Variants in AFDN observed in about 807,000 individuals in gnomAD.
AFDN encodes the protein afadin.
In AFDN, 68 loss-of-function variants were observed where a neutral mutation model predicts 216.6. That is an observed-to-expected ratio of 0.31 (90% CI 0.26 to 0.38). AFDN has a LOEUF of 0.38. Ranked by LOEUF, AFDN falls within the 10% of genes least tolerant of loss-of-function variation. The pLI, the probability that AFDN is intolerant of heterozygous loss-of-function variation, is 1.00. For synonymous variants in AFDN, 868 were observed against 853.7 expected, an observed-to-expected ratio of 1.02 and a Z score of -0.29; for missense variants, 2,136 against 2,342.0, an observed-to-expected ratio of 0.91 and a Z score of 1.82.
chr6:167,888,467 A>G (rs1256001016), intron 6 of AFDN, among the ~76,000 whole-genome samples: 1 of 152,174 alleles, frequency 6.6e-6, no homozygotes, highest in African/African-American at 2.4e-5. Context: ...GCAGTGTGTT[A>G]GAGTGAAGAT....
chr6:167,861,872 A>G (rs956313508), intron 1 of AFDN, among the ~76,000 whole-genome samples: 1 of 152,198 alleles, frequency 6.6e-6, no homozygotes. Context: ...ATCACAACTA[A>G]TGTAAAACTA....
At chr6:167,927,678 C>T (rs1005001490) in intron 23 of AFDN, among the ~76,000 whole-genome samples, 2 of 152,146 alleles carry the variant, frequency 1.3e-5, no homozygotes, top group Non-Finnish European at 2.9e-5. Flanking sequence ...GAGACCAAGA[C>T]GTGTGGGGTT....
At chr6:167,866,845 A>T (rs928173045) in intron 2 of AFDN, among the ~76,000 whole-genome samples, 11 of 152,228 alleles carry the variant, frequency 7.2e-5, no homozygotes, top group Non-Finnish European at 8.8e-5. Flanking sequence ...TCTCTTGAAT[A>T]TTTAAATGCT....
Position 167,917,055 on chromosome 6 carries a change from T to C in AFDN, c.2566-34T>C, listed in dbSNP as rs149719016. On this transcript the variant is annotated intron_variant, in intron 19 of 33. Transcript: ENST00000683244. ...AATATTTTTGAAATAACTTTACAAG[T>C]GTGATATTTTATGTCCTTTATTCTT... 4.3e-3 allele frequency: 6,901 copies of C among 1,588,356 alleles called. 23 individuals carry two copies. Among genetic ancestry groups the C allele is most frequent in the Non-Finnish European group, 5.1e-3 (5,872 of 1,161,692 alleles).
intron 1 of AFDN, among the ~76,000 whole-genome samples, chr6:167,859,242 T>C (rs1387710700): frequency 6.6e-6 from 1 of 152,238 alleles, no homozygotes; most frequent in Non-Finnish European, 1.5e-5. Context: ...ATATTTCTTC[T>C]GTCCTCTACC....
At chr6:167,965,724 G>A in intron 31 of AFDN, 33 bp from the exon 32 acceptor site, 1 of 1,496,308 alleles carries the variant, frequency 6.7e-7, no homozygotes. Flanking sequence ...TCTCACCTCT[G>A]ACCTTTGCAC....
chr6:167,949,397 T>G (rs1459158192), intron 29 of AFDN, among the ~76,000 whole-genome samples: 2 of 152,118 alleles, frequency 1.3e-5, no homozygotes, highest in Non-Finnish European at 2.9e-5. Context: ...GGAGAGAGGA[T>G]TGCACTGAGG....
Position 167,911,082 on chromosome 6 carries a change from G to A in AFDN, c.1770-19G>A, listed in dbSNP as rs768188388. 26 of 1,606,346 alleles carry A rather than the reference G, an allele frequency of 1.6e-5. No homozygotes were observed. The highest frequency in any genetic ancestry group is 2.1e-5 in the Non-Finnish European group (25 of 1,177,208). On this transcript the variant is annotated intron_variant, in intron 13 of 33. Coordinates refer to ENST00000683244, the MANE Select transcript of AFDN (RefSeq NM_001386888.1). ...GCCATGTGACCTTATTTTAAGTGAT[G>A]TCAGCTTTCTTCTTTTAGAACACAG...
rs1254753005 is a variant in AFDN, at chr6:167,898,295, A to G, written c.1408A>G (p.Thr470Ala). Residue 470 changes from threonine (T) to alanine (A), a missense_variant, in exon 11 of 34, where the codon ACC becomes GCC. Around this residue, in one of 8 missense-constraint regions of AFDN, gnomAD observed 817 missense variants for 965.7 expected, o/e 0.85. Coordinates refer to ENST00000683244, the MANE Select transcript of AFDN (RefSeq NM_001386888.1). ...TVTPRSMDAE[T>A]YVEGQRISET... is the part of the protein sequence containing the mutation. Reference sequence around the variant, plus strand: ...GACGCCCAGAAGTATGGACGCAGAAACCTACGTGGAAGGCCAGCGCATCTC... The same window carrying G: ...GACGCCCAGAAGTATGGACGCAGAAGCCTACGTGGAAGGCCAGCGCATCTC... 1 of 1,614,082 alleles carries G rather than the reference A, an allele frequency of 6.2e-7. No individual in the cohort carries two copies. Among genetic ancestry groups the G allele is most frequent in the South Asian group, 1.1e-5 (1 of 91,062 alleles).
chr6:167,880,071 C>T lies in AFDN; in HGVS notation c.740-289C>T, dbSNP rs558155037. 5.3e-5 allele frequency among the ~76,000 whole-genome samples: 8 copies of T among 152,142 alleles called. No individual in the cohort carries two copies. In the East Asian group the frequency reaches 5.8e-4, roughly 11 times the overall value. ...TCCTTTTCTTTCCTCACTATAGATA[C>T]GGAAATCAATTCATTGTTTTTAAAA... On this transcript the variant is annotated intron_variant, in intron 5 of 33. Transcript: ENST00000683244.
intron 1 of AFDN, among the ~76,000 whole-genome samples, chr6:167,863,166 G>C (rs149786717): frequency 6.6e-6 from 1 of 152,306 alleles, no homozygotes; most frequent in East Asian, 1.9e-4. Flanking sequence ...ACACTCAAAG[G>C]AGAAATGCAT....
chr6:167,918,625 TCTGTGAGATAAGCTGTG>T, intron 20 of AFDN, 93 bp from the exon 21 acceptor site: 1 of 915,278 alleles, frequency 1.1e-6, no homozygotes, highest in Non-Finnish European at 1.7e-6. Context: ...TGTGTGTGTG[TCTGTGAGATAAGCTGTG>T]CTGCAGTGAG....
rs115557824 is a variant in AFDN at position 167,963,242 on chromosome 6, G to A, written c.4968+675G>A. 520 of 1,063,872 alleles carry A rather than the reference G, an allele frequency of 4.9e-4. 2 individuals are homozygous for A. In the African/African-American group the frequency reaches 6.9e-3, roughly 14 times the overall value. The allele number at this position is 1,063,872 out of a possible 1,614,324, so 65.9% of individuals were successfully genotyped here. ...CTCCATATCTCCCTTTGTCCTGTGT[G>A]TGTGGCCGACGCCCTCTGGATGAAG... On this transcript the variant is annotated intron_variant, in intron 31 of 33. Coordinates refer to ENST00000683244, the MANE Select transcript of AFDN (RefSeq NM_001386888.1).
chr6:167,830,339 G>A (rs368012352), intron 1 of AFDN, among the ~76,000 whole-genome samples: 5 of 152,192 alleles, frequency 3.3e-5, no homozygotes, highest in East Asian at 3.8e-4. Flanking sequence ...ACGAAGGCAA[G>A]AGTGTAGAAT....
At chr6:167,858,743 C>G (rs1783188100) in intron 1 of AFDN, among the ~76,000 whole-genome samples, 1 of 152,178 alleles carries the variant, frequency 6.6e-6, no homozygotes. Flanking sequence ...TGCTAAGTTG[C>G]TCTCAGTTGC....
intron 22 of AFDN, chr6:167,923,228 A>T: frequency 3.8e-6 from 1 of 263,730 alleles, no homozygotes; most frequent in Admixed American, 5.2e-5. Context: ...GTCTTAATAC[A>T]TATTTTAAAA....
chr6:167,898,519 T>G lies in AFDN; in HGVS notation c.1580+52T>G, dbSNP rs750034039. On this transcript the variant is annotated intron_variant, in intron 11 of 33. Coordinates refer to ENST00000683244, the MANE Select transcript of AFDN (RefSeq NM_001386888.1). ...AATGTTTTGATTATACTTAAAGTAG[T>G]TCAGATTATTCATAGATATCTTGGC... 2.0e-6 allele frequency: 3 copies of G among 1,499,376 alleles called. No individual in the cohort carries two copies. The South Asian group carries it at 3.8e-5, about 19-fold the overall frequency. The allele number at this position is 1,499,376 out of a possible 1,614,324, so 92.9% of individuals were successfully genotyped here. A position where few individuals can be genotyped will look rare whatever the true frequency, so the allele number is the denominator to read the frequency against.
intron 29 of AFDN, among the ~76,000 whole-genome samples, chr6:167,949,001 G>C (rs637578): frequency 1.3e-5 from 2 of 152,192 alleles, no homozygotes; most frequent in African/African-American, 2.4e-5. Flanking sequence ...AGGAACCCTG[G>C]GTAGAGGGGA....
In AFDN at chr6:167,962,255, G is replaced by C. The variant is rs940392179; in HGVS notation, c.4834-178G>C. Among the ~76,000 whole-genome samples the C allele has an allele frequency of 2.0e-5, 3 of 152,166 alleles. No individual in the cohort carries two copies. Among genetic ancestry groups the C allele is most frequent in the African/African-American group, 7.2e-5 (3 of 41,430 alleles). Reference sequence around the variant, plus strand: ...TTAGGTAATTTATTTTAAAATTGTAGAGCTAAAAAATTGTAAAAAGTTTTA... The same window carrying C: ...TTAGGTAATTTATTTTAAAATTGTACAGCTAAAAAATTGTAAAAAGTTTTA... On this transcript the variant is annotated intron_variant, in intron 30 of 33. Coordinates refer to ENST00000683244, the MANE Select transcript of AFDN (RefSeq NM_001386888.1). The surrounding 1 kb of genome is among the most constrained non-coding windows in gnomAD (Gnocchi z 5.2).
Sources: allele counts gnomAD v4.1 joint callset (sites outside exome capture counted in the v4.1 genomes callset), GRCh38; gene constraint gnomAD v4.1.1; regional missense constraint gnomAD v4.1.1; non-coding constraint Gnocchi (gnomAD v3.1); transcripts MANE v1.5; gene names NCBI Gene and HGNC (gene_info 2026-07-23, HGNC 2026-07-21).